PLCB1: variants seen among roughly 807,000 people sequenced by gnomAD.
The protein encoded by PLCB1 is 1-phosphatidylinositol 4,5-bisphosphate phosphodiesterase beta-1.
A neutral mutation model predicts 161.8 loss-of-function variants in PLCB1; 46 were observed. The observed-to-expected ratio is 0.28, with a 90% confidence interval of 0.22 to 0.36. The LOEUF (loss-of-function observed/expected upper bound fraction) is 0.36, where lower values mean the gene tolerates loss of function less well. PLCB1 is among the 10% of genes least tolerant of loss of function. The pLI is 1.00. For missense variants in PLCB1, 1,016 were observed against 1,472.5 expected (o/e 0.69, Z 5.07); for synonymous variants, 517 against 503.7 (o/e 1.03, Z -0.35).
At chr20:8,662,226 A>G (rs189221293) in intron 9 of PLCB1, among the ~76,000 whole-genome samples, 6 of 120,654 alleles carry the variant, frequency 5.0e-5, no homozygotes, top group Admixed American at 9.4e-5. Context: ...ATTATTATAT[A>G]ATTCTATATA....
At chr20:8,695,066 C>T (rs1470830549) in intron 10 of PLCB1, among the ~76,000 whole-genome samples, 2 of 152,166 alleles carry the variant, frequency 1.3e-5, no homozygotes. Context: ...ATTTGATTAT[C>T]CAGCATCAGG....
At chr20:8,811,139 C>T (rs1984800100) in intron 31 of PLCB1, among the ~76,000 whole-genome samples, 1 of 152,140 alleles carries the variant, frequency 6.6e-6, no homozygotes, top group Admixed American at 6.5e-5. Context: ...TTGGTGAATG[C>T]TACAGGAGAG....
intron 3 of PLCB1, among the ~76,000 whole-genome samples, chr20:8,403,413 T>A (rs1236390099): frequency 6.6e-6 from 1 of 151,748 alleles, no homozygotes; most frequent in Non-Finnish European, 1.5e-5. Context: ...CAACAGGGAG[T>A]GTCCAAAGGC....
intron 2 of PLCB1, among the ~76,000 whole-genome samples, chr20:8,278,384 G>A (rs1982699591): frequency 7.6e-6 from 1 of 132,162 alleles, no homozygotes; most frequent in South Asian, 2.5e-4. Flanking sequence ...TAGCCTGTAT[G>A]GACATTTTTA....
At chr20:8,233,002 G>A (rs1980139999) in intron 2 of PLCB1, among the ~76,000 whole-genome samples, 1 of 152,074 alleles carries the variant, frequency 6.6e-6, no homozygotes, top group South Asian at 2.1e-4. Context: ...CTCACTCCAG[G>A]AGATGGTTGC....
At chr20:8,666,053 A>G (rs1432586701) in intron 9 of PLCB1, among the ~76,000 whole-genome samples, 1 of 152,162 alleles carries the variant, frequency 6.6e-6, no homozygotes, top group Non-Finnish European at 1.5e-5. Flanking sequence ...TACAATTCCC[A>G]GGGACTGCAT....
At chr20:8,808,617 A>G (rs1276237324) in intron 31 of PLCB1, among the ~76,000 whole-genome samples, 1 of 152,206 alleles carries the variant, frequency 6.6e-6, no homozygotes, top group Non-Finnish European at 1.5e-5. Context: ...CTATTTACCT[A>G]GCATCTGGTG....
intron 3 of PLCB1, among the ~76,000 whole-genome samples, chr20:8,509,825 C>T (rs186381710): frequency 1.4e-4 from 21 of 152,262 alleles, no homozygotes; most frequent in Admixed American, 7.2e-4. Flanking sequence ...ATGCTTCCTT[C>T]TGAAGTTTCG....
chr20:8,195,132 C>A (rs1568585973), intron 2 of PLCB1, among the ~76,000 whole-genome samples: 1 of 151,932 alleles, frequency 6.6e-6, no homozygotes, highest in African/African-American at 2.4e-5. Flanking sequence ...ATTTTTACAT[C>A]TTTTTTTGCA....
intron 3 of PLCB1, among the ~76,000 whole-genome samples, chr20:8,519,206 A>G (rs762775973): frequency 2.0e-5 from 3 of 151,780 alleles, no homozygotes; most frequent in Non-Finnish European, 4.4e-5. Context: ...GAAAACAGAC[A>G]CACTCCTTGC....
At chr20:8,632,409 C>G (rs1988629299) in intron 4 of PLCB1, among the ~76,000 whole-genome samples, 1 of 152,122 alleles carries the variant, frequency 6.6e-6, no homozygotes, top group Admixed American at 6.6e-5. Flanking sequence ...AAGTCCTATT[C>G]TAGATACTGG....
At chr20:8,525,673 G>A (rs1352890867) in intron 3 of PLCB1, among the ~76,000 whole-genome samples, 91 of 151,880 alleles carry the variant, frequency 6.0e-4, no homozygotes, top group Non-Finnish European at 1.0e-4. Flanking sequence ...TTGTCAAATG[G>A]ATAAAGTAGA....
intron 3 of PLCB1, among the ~76,000 whole-genome samples, chr20:8,398,417 C>A (rs533296002): frequency 6.6e-6 from 1 of 152,000 alleles, no homozygotes; most frequent in Admixed American, 6.5e-5. Flanking sequence ...TTACCATAGA[C>A]TGGTGGCTGA....
intron 31 of PLCB1, among the ~76,000 whole-genome samples, chr20:8,872,227 A>G (rs1056166768): frequency 6.6e-6 from 1 of 152,202 alleles, no homozygotes; most frequent in Admixed American, 6.5e-5. Flanking sequence ...TACCCAAAAT[A>G]TAGGCATGCA....
At chr20:8,165,881 C>T (rs988455873) in intron 2 of PLCB1, among the ~76,000 whole-genome samples, 2 of 152,116 alleles carry the variant, frequency 1.3e-5, no homozygotes, top group Admixed American at 6.6e-5. Context: ...GTATTCCCTG[C>T]CACCAGACCT....
intron 2 of PLCB1, among the ~76,000 whole-genome samples, chr20:8,195,037 C>T (rs901882138): frequency 6.6e-6 from 1 of 151,942 alleles, no homozygotes. Context: ...TTTGGATTCC[C>T]TTCTACAGAT....
At chr20:8,612,303 T>C (rs1167677347) in intron 3 of PLCB1, among the ~76,000 whole-genome samples, 2 of 152,178 alleles carry the variant, frequency 1.3e-5, no homozygotes, top group Non-Finnish European at 2.9e-5. Context: ...GAATCAATTA[T>C]TGTAGGAGAG....
chr20:8,283,326 A>G (rs964191635), intron 2 of PLCB1, among the ~76,000 whole-genome samples: 3 of 152,146 alleles, frequency 2.0e-5, no homozygotes, highest in African/African-American at 7.2e-5. Flanking sequence ...AAAAAAGTAT[A>G]AAGAAGAAAA....
intron 2 of PLCB1, among the ~76,000 whole-genome samples, chr20:8,184,682 A>G (rs1345592220): frequency 6.6e-6 from 1 of 151,482 alleles, no homozygotes; most frequent in East Asian, 1.9e-4. Context: ...AAACCCATTC[A>G]TGATAGTAGA....
Sources: allele counts gnomAD v4.1 joint callset (sites outside exome capture counted in the v4.1 genomes callset), GRCh38; gene constraint gnomAD v4.1.1; transcripts MANE v1.5; gene names NCBI Gene and HGNC (gene_info 2026-07-23, HGNC 2026-07-21).